Variants in SIPA1L1 observed in about 807,000 individuals in gnomAD.
SIPA1L1 encodes signal-induced proliferation-associated 1-like protein 1.
In SIPA1L1, 26 loss-of-function variants were observed where a neutral mutation model predicts 162.7. The ratio of observed to expected loss-of-function variants is 0.16; its 90% confidence interval spans 0.12 to 0.22. The LOEUF is 0.22. Ranked by LOEUF, SIPA1L1 falls within the 10% of genes least tolerant of loss-of-function variation. SIPA1L1 has a pLI of 1.00. For synonymous variants in SIPA1L1, 829 were observed against 837.4 expected, an observed-to-expected ratio of 0.99 and a Z score of 0.17; for missense variants, 1,874 against 2,241.0, an observed-to-expected ratio of 0.84 and a Z score of 3.31.
intron 2 of SIPA1L1, among the ~76,000 whole-genome samples, chr14:71,501,100 T>G (rs2050176584): frequency 6.6e-6 from 1 of 152,192 alleles, no homozygotes; most frequent in East Asian, 1.9e-4. Context: ...GCAAGAGGAT[T>G]GCTTCAGCTC....
chr14:71,454,510 G>GGTACAAATATCATTAAAT (rs1263915470), intron 2 of SIPA1L1, among the ~76,000 whole-genome samples: 1 of 152,048 alleles, frequency 6.6e-6, no homozygotes, highest in African/African-American at 2.4e-5. Context: ...TCTAATTAAA[G>GGTACAAATATCATTAAAT]GTACAAATAT....
At chr14:71,446,906 G>GTTTTTTTTTTTTTTTTTTTTTTT (rs1189940440) in intron 2 of SIPA1L1, among the ~76,000 whole-genome samples, 7 of 53,244 alleles carry the variant, frequency 1.3e-4, no homozygotes, top group East Asian at 7.6e-4. Context: ...TTTTTTTTTT[G>GTTTTTTTTTTTTTTTTTTTTTTT]TTTTTTTTTT....
intron 2 of SIPA1L1, among the ~76,000 whole-genome samples, chr14:71,458,898 C>A (rs1038625534): frequency 6.6e-6 from 1 of 151,886 alleles, no homozygotes; most frequent in Non-Finnish European, 1.5e-5. Context: ...ACTCCTGAAA[C>A]CCCGTCTGTA....
intron 2 of SIPA1L1, among the ~76,000 whole-genome samples, chr14:71,416,962 G>T (rs943877340): frequency 6.6e-6 from 1 of 151,802 alleles, no homozygotes; most frequent in Non-Finnish European, 1.5e-5. Flanking sequence ...TGTTGCCCAG[G>T]CTGGTCTGGA....
At chr14:71,729,412 C>T (rs771480141) in intron 19 of SIPA1L1, among the ~76,000 whole-genome samples, 5 of 152,180 alleles carry the variant, frequency 3.3e-5, no homozygotes, top group African/African-American at 4.8e-5. Context: ...AATTTATCTA[C>T]CTCGATAGGT....
At chr14:71,615,580 C>A (rs1186716465) in intron 5 of SIPA1L1, among the ~76,000 whole-genome samples, 1 of 152,162 alleles carries the variant, frequency 6.6e-6, no homozygotes, top group Non-Finnish European at 1.5e-5. Flanking sequence ...CTGGCATGAG[C>A]AACTGGGTGA....
intron 13 of SIPA1L1, among the ~76,000 whole-genome samples, chr14:71,689,919 C>T (rs76979204): frequency 0.01 from 1,594 of 152,296 alleles, 26 homozygotes; most frequent in African/African-American, 0.037. Flanking sequence ...GTTCTCCTCT[C>T]AGAGAGCATA....
chr14:71,514,549 T>C (rs143046362), intron 3 of SIPA1L1, among the ~76,000 whole-genome samples: 106 of 152,296 alleles, frequency 7.0e-4, no homozygotes, highest in African/African-American at 2.4e-3. Context: ...CTGCAACTTA[T>C]TGTTATTTTA....
intron 2 of SIPA1L1, among the ~76,000 whole-genome samples, chr14:71,436,457 C>T (rs1227042650): frequency 1.3e-5 from 2 of 152,038 alleles, no homozygotes; most frequent in South Asian, 2.1e-4. Context: ...GTATCCCATC[C>T]TCTTTTCCAT....
intron 8 of SIPA1L1, among the ~76,000 whole-genome samples, chr14:71,652,303 A>G (rs2042690327): frequency 6.6e-6 from 1 of 152,174 alleles, no homozygotes; most frequent in African/African-American, 2.4e-5. Flanking sequence ...GCTGCCTCCT[A>G]CTGGGCTGGA....
At chr14:71,620,297 G>A (rs370884494) in intron 6 of SIPA1L1, among the ~76,000 whole-genome samples, 1 of 152,114 alleles carries the variant, frequency 6.6e-6, no homozygotes, top group African/African-American at 2.4e-5. Flanking sequence ...TCGAACTCCC[G>A]ACCTCAGGTG....
At chr14:71,585,940 G>GC (rs1313906012) in intron 4 of SIPA1L1, among the ~76,000 whole-genome samples, 1 of 152,176 alleles carries the variant, frequency 6.6e-6, no homozygotes, top group East Asian at 1.9e-4. Context: ...ATCCTCGGAA[G>GC]CAACAGTTAG....
In SIPA1L1 at chr14:71,520,144, G is replaced by A. The variant is rs77993966; in HGVS notation, c.-362+7299G>A. ...AATTTTTTTTAAATAATGAAATGCC[G>A]TTAATTGAAAGCTTGATGAGGTACC... is the stretch of plus-strand genomic sequence containing the variant. On this transcript the variant is annotated intron_variant, in intron 3 of 23. Transcript: ENST00000381232. 6.4e-3 allele frequency among the ~76,000 whole-genome samples: 969 copies of A among 152,170 alleles called. 6 individuals carry two copies. The highest frequency in any genetic ancestry group is 0.022 in the African/African-American group (906 of 41,534).
At chr14:71,349,501 A>G (rs973632427) in intron 2 of SIPA1L1, among the ~76,000 whole-genome samples, 4 of 152,170 alleles carry the variant, frequency 2.6e-5, no homozygotes, top group Admixed American at 1.3e-4. Flanking sequence ...CTGAAGGTTT[A>G]CGTCAGTGTT....
rs2085646116 is a variant in SIPA1L1 at position 71,740,045 on chromosome 14, GTTTTAAAGAT to G, written c.*895_*904del. On this transcript the variant is annotated 3_prime_UTR_variant, in exon 24 of 24. Coordinates refer to ENST00000381232, the MANE Select transcript of SIPA1L1 (RefSeq NM_001386936.1). Reference sequence around the variant, plus strand: ...GAATGCATTTTGGTCAAAAGTATACGTTTTAAAGATTTTTAAAGATAAAAATGTGGCACAA... The same window carrying G: ...GAATGCATTTTGGTCAAAAGTATACGTTTTAAAGATAAAAATGTGGCACAA... The G allele has an allele frequency of 6.6e-6, 1 of 152,182 alleles. No homozygotes were observed. Among genetic ancestry groups the G allele is most frequent in the Admixed American group, 6.5e-5 (1 of 15,288 alleles). 9.4% of individuals were successfully genotyped at this position (152,182 alleles called of 1,614,324 possible).
chr14:71,597,441 A>C (rs2036173040), intron 5 of SIPA1L1, among the ~76,000 whole-genome samples: 1 of 151,066 alleles, frequency 6.6e-6, no homozygotes, highest in Non-Finnish European at 1.5e-5. Context: ...TTTCTTCTTC[A>C]TGCTGTTAGT....
chr14:71,424,161 T>G (rs1359871321), intron 2 of SIPA1L1, among the ~76,000 whole-genome samples: 1 of 152,138 alleles, frequency 6.6e-6, no homozygotes, highest in Non-Finnish European at 1.5e-5. Flanking sequence ...ATTTATTAGT[T>G]CTAACAGTTT....
chr14:71,624,298 C>T, intron 7 of SIPA1L1, 62 bp downstream of exon 7: 1 of 1,370,578 alleles, frequency 7.3e-7, no homozygotes. Context: ...TTCCGGAATA[C>T]AGACCTTAAT....
At chr14:71,492,329 G>GT (rs2049350774) in intron 2 of SIPA1L1, among the ~76,000 whole-genome samples, 1 of 152,068 alleles carries the variant, frequency 6.6e-6, no homozygotes, top group Admixed American at 6.6e-5. Flanking sequence ...ATATAGCCGT[G>GT]TTTTTTTCCA....
Sources: allele counts gnomAD v4.1 joint callset (sites outside exome capture counted in the v4.1 genomes callset), GRCh38; gene constraint gnomAD v4.1.1; transcripts MANE v1.5; gene names NCBI Gene and HGNC (gene_info 2026-07-23, HGNC 2026-07-21).